Variants in ZNF367 observed in about 807,000 individuals in gnomAD.
ZNF367 encodes zinc finger protein 367, also known as C2H2 zinc finger protein ZFF29.
Under a neutral mutation model 31.8 loss-of-function variants are expected in ZNF367, and 11 were observed. That is an observed-to-expected ratio of 0.35 (90% CI 0.22 to 0.57). ZNF367 has a LOEUF of 0.57. ZNF367 is among the 20% of genes least tolerant of loss of function. The probability of loss-of-function intolerance (pLI) is 0.85; values close to 1 mark genes in which losing one functional copy is unlikely to be tolerated. For synonymous variants in ZNF367, 199 were observed against 202.4 expected (o/e 0.98, Z 0.14); for missense variants, 353 against 484.1 (o/e 0.73, Z 2.54).
In ZNF367 at chr9:96,386,404, T is replaced by C. The variant is rs1831409676; in HGVS notation, c.*1833A>G. 2 of 152,178 alleles carry C rather than the reference T, an allele frequency of 1.3e-5. No individual in the cohort carries two copies. Among genetic ancestry groups the C allele is most frequent in the Non-Finnish European group, 2.9e-5 (2 of 68,012 alleles). The allele number at this position is 152,178 out of a possible 1,614,324, so 9.4% of individuals were successfully genotyped here. A position where few individuals can be genotyped will look rare whatever the true frequency, so the allele number is the denominator to read the frequency against. ...GATCAAAGTTCAAATTTCCCAAGACTGATGAGTGTTGTTTTTAGTTCATTA... is the reference window on the plus strand; with the variant it reads ...GATCAAAGTTCAAATTTCCCAAGACCGATGAGTGTTGTTTTTAGTTCATTA... On this transcript the variant is annotated 3_prime_UTR_variant, in exon 5 of 5. Transcript: ENST00000375256.
At chr9:96,395,906 C>T (rs566119159) in intron 2 of ZNF367, among the ~76,000 whole-genome samples, 4 of 152,208 alleles carry the variant, frequency 2.6e-5, no homozygotes, top group African/African-American at 9.6e-5. Context: ...ATTTAATCAA[C>T]AATTGTACAT....
intron 4 of ZNF367, among the ~76,000 whole-genome samples, chr9:96,391,288 T>C (rs1831469380): frequency 1.3e-5 from 2 of 152,142 alleles, no homozygotes; most frequent in Non-Finnish European, 2.9e-5. Context: ...AATAAATGTG[T>C]GATGGATGTT....
At position 96,417,288 on chromosome 9, in the gene ZNF367, T is replaced by A. The variant is rs1831842501; in HGVS notation, c.420+325A>T. Among the ~76,000 whole-genome samples the A allele has an allele frequency of 6.6e-6, 1 of 152,116 alleles. No homozygotes were observed. Among genetic ancestry groups the A allele is most frequent in the Admixed American group, 6.5e-5 (1 of 15,278 alleles). On this transcript the variant is annotated intron_variant, in intron 1 of 4. Transcript: ENST00000375256. This position sits in a 1 kb window ranked among gnomAD's most constrained non-coding sequence, Gnocchi z 5.0. ...AACTCAAGGCCCTCATCCCTCTCGT[T>A]TCCTCTCGGAACTGAGGACTCGGCA... is the stretch of plus-strand genomic sequence containing the variant.
intron 3 of ZNF367, among the ~76,000 whole-genome samples, chr9:96,393,090 C>G (rs61601160): frequency 0.028 from 4,232 of 152,054 alleles, 75 homozygotes; most frequent in Middle Eastern, 0.058. Context: ...TCGCAGGGGT[C>G]GGGTGGAGTT....
At chr9:96,398,811 C>T (rs920333112) in intron 1 of ZNF367, among the ~76,000 whole-genome samples, 14 of 152,182 alleles carry the variant, frequency 9.2e-5, no homozygotes, top group African/African-American at 4.8e-5. Flanking sequence ...GGAACCTACT[C>T]CTTTAGTCCC....
intron 3 of ZNF367, among the ~76,000 whole-genome samples, 185 bp downstream of exon 3, chr9:96,394,637 CA>C (rs1415796164): frequency 1.3e-5 from 2 of 152,088 alleles, no homozygotes; most frequent in Non-Finnish European, 2.9e-5. Context: ...TCAAAACCAA[CA>C]AATTTTTAAA....
At chr9:96,393,607 G>C (rs970882819) in intron 3 of ZNF367, among the ~76,000 whole-genome samples, 1 of 152,158 alleles carries the variant, frequency 6.6e-6, no homozygotes, top group Non-Finnish European at 1.5e-5. Context: ...CAAGGTGGAC[G>C]AATCACCTGA....
At chr9:96,414,232 G>A (rs1049262287) in intron 1 of ZNF367, among the ~76,000 whole-genome samples, 5 of 152,052 alleles carry the variant, frequency 3.3e-5, no homozygotes, top group South Asian at 2.1e-4. Flanking sequence ...TCTGTCTTAC[G>A]GTGGGAAAGC....
rs370319176 is a variant in ZNF367 at position 96,392,388 on chromosome 9, C to T, written c.830+10G>A. On this transcript the variant is annotated intron_variant, in intron 4 of 4. Transcript: ENST00000375256. The stretch of plus-strand genomic sequence containing the variant: ...CATCTTCACGGTGGACTAAAGGCAG[C>T]ATTCCTGACCTCGCCAGCCACTCGG... 56 of 1,614,076 alleles carry T rather than the reference C, an allele frequency of 3.5e-5. 1 individual carries two copies. The highest frequency in any genetic ancestry group is 1.6e-4 in the Middle Eastern group (1 of 6,084).
chr9:96,392,352 C>T, intron 4 of ZNF367, 46 bp downstream of exon 4: 2 of 1,613,436 alleles, frequency 1.2e-6, no homozygotes, highest in Non-Finnish European at 1.7e-6. Context: ...ATAGCCCCAG[C>T]CCGCGCTGTG....
chr9:96,389,283 G>C (rs1468130617), intron 4 of ZNF367, among the ~76,000 whole-genome samples: 1 of 148,616 alleles, frequency 6.7e-6, no homozygotes, highest in East Asian at 1.9e-4. Context: ...CAGGGTGACA[G>C]AGCGAGACTC....
chr9:96,404,670 A>C (rs540856161), intron 1 of ZNF367, among the ~76,000 whole-genome samples: 2 of 152,300 alleles, frequency 1.3e-5, no homozygotes, highest in East Asian at 3.9e-4. Context: ...TCTTAAAATA[A>C]AAACAGGGAT....
At position 96,417,973 on chromosome 9, in the gene ZNF367, G is replaced by T; in HGVS notation, c.60C>A (p.Val20=). The change falls in exon 1 of 5, where the codon GTC becomes GTA. Residue 20 remains valine, a synonymous_variant. Transcript: ENST00000375256. This position sits in a 1 kb window ranked among gnomAD's most constrained non-coding sequence, Gnocchi z 5.0. ...AENPPPPPPP[V]IFCHDSPKRV... is the part of the protein sequence containing the mutation. ...GCTTCGGGGAGTCGTGGCAGAAGAT[G>T]ACGGGCGGCGGCGGCGGCGGCGGGT... The T allele has an allele frequency of 6.8e-7, 1 of 1,463,420 alleles. No individual in the cohort carries two copies. The highest frequency in any genetic ancestry group is 2.8e-5 in the East Asian group (1 of 35,982). The allele number at this position is 1,463,420 out of a possible 1,614,324, so 90.7% of individuals were successfully genotyped here.
chr9:96,397,580 C>A (rs773813213), intron 2 of ZNF367, among the ~76,000 whole-genome samples: 4 of 152,094 alleles, frequency 2.6e-5, no homozygotes, highest in Non-Finnish European at 5.9e-5. Flanking sequence ...GGGGGTAAAA[C>A]TAAATTTGCC....
chr9:96,390,706 A>G (rs963153226), intron 4 of ZNF367, among the ~76,000 whole-genome samples: 4 of 151,996 alleles, frequency 2.6e-5, no homozygotes, highest in African/African-American at 9.7e-5. Context: ...CAACGTGACA[A>G]GACCCAGTCT....
At chr9:96,392,346 C>T (rs898367367) in intron 4 of ZNF367, 52 bp downstream of exon 4, 2 of 1,612,836 alleles carry the variant, frequency 1.2e-6, no homozygotes, top group Non-Finnish European at 1.7e-6. Flanking sequence ...CCTGACATAG[C>T]CCCAGCCCGC....
intron 1 of ZNF367, among the ~76,000 whole-genome samples, chr9:96,404,788 TC>T (rs1831651234): frequency 2.0e-5 from 3 of 151,932 alleles, no homozygotes; most frequent in Admixed American, 6.6e-5. Context: ...CTTTTGTACA[TC>T]ACAGGACATT....
intron 2 of ZNF367, among the ~76,000 whole-genome samples, chr9:96,396,889 A>G (rs1831538004): frequency 6.6e-6 from 1 of 151,068 alleles, no homozygotes; most frequent in African/African-American, 2.4e-5. Context: ...CTGGTCTTGA[A>G]CTCCTGACCT....
intron 4 of ZNF367, 50 bp downstream of exon 4, chr9:96,392,348 C>A (rs1289713723): frequency 6.2e-7 from 1 of 1,613,078 alleles, no homozygotes; most frequent in East Asian, 2.2e-5. Context: ...TGACATAGCC[C>A]CAGCCCGCGC....
Sources: allele counts gnomAD v4.1 joint callset (sites outside exome capture counted in the v4.1 genomes callset), GRCh38; gene constraint gnomAD v4.1.1; non-coding constraint Gnocchi (gnomAD v3.1); transcripts MANE v1.5; gene names NCBI Gene and HGNC (gene_info 2026-07-23, HGNC 2026-07-21).